Variants in PRKD3 observed in about 807,000 individuals in gnomAD.
The protein encoded by PRKD3 is serine/threonine-protein kinase D3.
A neutral mutation model predicts 99.2 loss-of-function variants in PRKD3; 47 were observed. The ratio of observed to expected loss-of-function variants is 0.47; its 90% CI spans 0.38 to 0.60. PRKD3 has a LOEUF of 0.60. Among genes scored for constraint, PRKD3 ranks in the 20% least tolerant of loss-of-function variants. The pLI is 0.00. For missense variants in PRKD3, 1,019 were observed against 1,088.4 expected (o/e 0.94, Z 0.90); for synonymous variants, 392 against 355.4 (o/e 1.10, Z -1.16).
chr2:37,314,950 T>C (rs769943072), intron 2 of PRKD3, among the ~76,000 whole-genome samples: 1 of 151,912 alleles, frequency 6.6e-6, no homozygotes, highest in Non-Finnish European at 1.5e-5. Context: ...AAGTCATTGT[T>C]AAAACAAAGG....
chr2:37,298,354 C>A (rs1670763779), intron 2 of PRKD3, among the ~76,000 whole-genome samples: 1 of 151,970 alleles, frequency 6.6e-6, no homozygotes, highest in Non-Finnish European at 1.5e-5. Context: ...AAACACTGTT[C>A]TGCAGCTTGC....
chr2:37,276,497 T>C (rs1233373699), intron 9 of PRKD3, among the ~76,000 whole-genome samples: 1 of 152,106 alleles, frequency 6.6e-6, no homozygotes, highest in Non-Finnish European at 1.5e-5. Flanking sequence ...CTTTGTCCAT[T>C]TTCCTATTGC....
chr2:37,268,446 C>G (rs1397081619), intron 13 of PRKD3: 2 of 445,126 alleles, frequency 4.5e-6, no homozygotes, highest in African/African-American at 4.1e-5. Flanking sequence ...CTTTATGTCA[C>G]AATACTAGGT....
intron 2 of PRKD3, among the ~76,000 whole-genome samples, chr2:37,315,897 G>T (rs1274365347): frequency 6.6e-6 from 1 of 152,070 alleles, no homozygotes; most frequent in Non-Finnish European, 1.5e-5. Flanking sequence ...GCTAATTTTT[G>T]TATTTTTAGT....
rs1671689177 is a variant in PRKD3, at chr2:37,316,873, C to T, written c.-349G>A. On this transcript the variant is annotated 5_prime_UTR_variant, in exon 2 of 19. Coordinates refer to ENST00000234179, the MANE Select transcript of PRKD3 (RefSeq NM_005813.6). ...TTTTCCTTTCAGTCTGTACTTGTCT[C>T]TTTAATTTCAGGAAATACATATTGA... The T allele has an allele frequency of 1.9e-6, 2 of 1,033,638 alleles. No homozygotes were observed. Among genetic ancestry groups the T allele is most frequent in the South Asian group, 4.1e-5 (1 of 24,382 alleles). The allele number at this position is 1,033,638 out of a possible 1,614,324, so 64.0% of individuals were successfully genotyped here.
intron 7 of PRKD3, 143 bp downstream of exon 7, chr2:37,282,399 T>C: frequency 1.6e-6 from 1 of 622,248 alleles, no homozygotes. Context: ...CAGTGGTCTG[T>C]GTATTTTGTT....
chr2:37,303,484 T>C (rs931770263), intron 2 of PRKD3, among the ~76,000 whole-genome samples: 5 of 152,022 alleles, frequency 3.3e-5, no homozygotes, highest in African/African-American at 1.2e-4. Flanking sequence ...CTGGGGCCTC[T>C]GGGGGGTTTC....
chr2:37,274,846 C>G (rs1432198463), intron 10 of PRKD3, 149 bp from the exon 11 acceptor site: 1 of 798,246 alleles, frequency 1.3e-6, no homozygotes, highest in African/African-American at 1.7e-5. Context: ...AGTCTTATGA[C>G]ATGGCCTGTC....
At chr2:37,299,438 G>A (rs1214308941) in intron 2 of PRKD3, among the ~76,000 whole-genome samples, 1 of 151,596 alleles carries the variant, frequency 6.6e-6, no homozygotes, top group Non-Finnish European at 1.5e-5. Flanking sequence ...GGGAGGCCAA[G>A]GTAGTGGACT....
Position 37,274,705 on chromosome 2 carries a change from A to G in PRKD3, c.1375-8T>C. The G allele has an allele frequency of 6.2e-7, 1 of 1,608,852 alleles. No homozygotes were observed. The highest frequency in any genetic ancestry group is 8.5e-7 in the Non-Finnish European group (1 of 1,176,186). On this transcript the variant is annotated splice_polypyrimidine_tract_variant and splice_region_variant and intron_variant, in intron 10 of 18. Transcript: ENST00000234179. Reference sequence around the variant, plus strand: ...TTCTGAAAGTGGAATTTCCTGAAGTAAAAAATTAAGCATTGAAAAATAAGA... The same window carrying G: ...TTCTGAAAGTGGAATTTCCTGAAGTGAAAAATTAAGCATTGAAAAATAAGA...
intron 2 of PRKD3, among the ~76,000 whole-genome samples, chr2:37,315,642 C>A (rs988350695): frequency 6.6e-6 from 1 of 152,208 alleles, no homozygotes; most frequent in Non-Finnish European, 1.5e-5. Context: ...ATTTCTTATG[C>A]TGCCTTGACT....
At chr2:37,300,529 G>A (rs896848450) in intron 2 of PRKD3, among the ~76,000 whole-genome samples, 1 of 152,034 alleles carries the variant, frequency 6.6e-6, no homozygotes, top group African/African-American at 2.4e-5. Flanking sequence ...GAGTAGAATT[G>A]GACTGTTCCT....
chr2:37,306,256 G>A (rs1281535693), intron 2 of PRKD3, among the ~76,000 whole-genome samples: 1 of 152,114 alleles, frequency 6.6e-6, no homozygotes, highest in African/African-American at 2.4e-5. Flanking sequence ...GGAAATTTCT[G>A]TTTGGCTCAA....
At chr2:37,292,875 G>A (rs1249599634) in intron 3 of PRKD3, 1 of 263,380 alleles carries the variant, frequency 3.8e-6, no homozygotes, top group East Asian at 6.6e-5. Context: ...TCAAACTCCT[G>A]AGATAAGCAA....
At chr2:37,269,146 C>A in intron 13 of PRKD3, 1 of 174,172 alleles carries the variant, frequency 5.7e-6, no homozygotes, top group Admixed American at 5.6e-5. Flanking sequence ...AAGATGCTAA[C>A]GCACAGTAAG....
chr2:37,282,328 CA>C, intron 7 of PRKD3: 3 of 527,850 alleles, frequency 5.7e-6, no homozygotes, highest in Non-Finnish European at 1.0e-5. Flanking sequence ...TATTAGACTA[CA>C]AAGTAACAGG....
At chr2:37,284,358 C>T (rs969596908) in intron 6 of PRKD3, among the ~76,000 whole-genome samples, 1 of 152,214 alleles carries the variant, frequency 6.6e-6, no homozygotes, top group East Asian at 1.9e-4. Context: ...TTCCAGAACC[C>T]TAAAAAGTTG....
chr2:37,274,769 C>A, intron 10 of PRKD3, 72 bp from the exon 11 acceptor site: 1 of 1,375,744 alleles, frequency 7.3e-7, no homozygotes. Flanking sequence ...ACTAAAGAAC[C>A]AGAGATATGC....
chr2:37,306,339 G>C, intron 2 of PRKD3, among the ~76,000 whole-genome samples: 1 of 151,994 alleles, frequency 6.6e-6, no homozygotes, highest in East Asian at 1.9e-4. Context: ...TTAGTTCTTC[G>C]GGTTTAATCA....
Sources: allele counts gnomAD v4.1 joint callset (sites outside exome capture counted in the v4.1 genomes callset), GRCh38; gene constraint gnomAD v4.1.1; transcripts MANE v1.5; gene names NCBI Gene and HGNC (gene_info 2026-07-23, HGNC 2026-07-21).